The following ZNF341 variants were observed in gnomAD, a reference collection of about 807,000 sequenced individuals.
ZNF341 encodes zinc finger protein 341.
A neutral mutation model predicts 87.7 loss-of-function variants in ZNF341; 52 were observed. That is an observed-to-expected ratio of 0.59 (90% confidence interval 0.47 to 0.75). The LOEUF (loss-of-function observed/expected upper bound fraction) is 0.75. Ranked by LOEUF, ZNF341 falls within the 30% of genes least tolerant of loss-of-function variation. The probability of loss-of-function intolerance (pLI) is 0.00; values close to 1 mark genes in which losing one functional copy is unlikely to be tolerated. For synonymous variants in ZNF341, 459 were observed against 472.7 expected (o/e 0.97, Z 0.38); for missense variants, 977 against 1,145.9 (o/e 0.85, Z 2.13).
At chr20:33,744,622 C>A (rs948850101) in intron 2 of ZNF341, among the ~76,000 whole-genome samples, 1 of 151,982 alleles carries the variant, frequency 6.6e-6, no homozygotes, top group East Asian at 1.9e-4. Flanking sequence ...GATGGAGTCT[C>A]GCTCTGTTGC....
intron 2 of ZNF341, among the ~76,000 whole-genome samples, chr20:33,744,727 G>C (rs1224530862): frequency 6.6e-6 from 1 of 152,106 alleles, no homozygotes; most frequent in South Asian, 2.1e-4. Context: ...GAGTAGCTGG[G>C]ACTATAGGCG....
At position 33,791,379 on chromosome 20, in the gene ZNF341, G is replaced by T; in HGVS notation, c.2427G>T (p.Val809=). 3 of 1,612,688 alleles carry T rather than the reference G, an allele frequency of 1.9e-6. No homozygotes were observed. The highest frequency in any genetic ancestry group is 2.5e-6 in the Non-Finnish European group (3 of 1,179,724). ...TGTCCATCGTTGTGGGTGGTGCGGTGGGCGCGGAAACTGAGCTGGTGGTAC... is the reference window on the plus strand; with the variant it reads ...TGTCCATCGTTGTGGGTGGTGCGGTTGGCGCGGAAACTGAGCTGGTGGTAC... The part of the protein sequence containing the change: ...AVLSIVVGGA[V]GAETELVVPG... Residue 809 remains valine (V), a synonymous_variant, in exon 15 of 15, where the codon GTG becomes GTT. Transcript: ENST00000375200.
chr20:33,736,433 TC>T (rs2018686446), intron 1 of ZNF341, among the ~76,000 whole-genome samples: 1 of 152,270 alleles, frequency 6.6e-6, no homozygotes, highest in East Asian at 1.9e-4. Flanking sequence ...TAATAGCCCT[TC>T]CCCAAAACTA....
chr20:33,756,443 T>C (rs1428436470), intron 5 of ZNF341, among the ~76,000 whole-genome samples: 1 of 150,814 alleles, frequency 6.6e-6, no homozygotes, highest in Admixed American at 6.6e-5. Flanking sequence ...CTCGGCCCAC[T>C]GCAACCTCCG....
rs1390976253 is a variant in ZNF341, at chr20:33,766,933, C to T, written c.1305C>T (p.Ser435=). Residue 435 remains serine (S), a synonymous_variant, in exon 9 of 15, where the codon TCC becomes TCT. Coordinates refer to ENST00000375200, the MANE Select transcript of ZNF341 (RefSeq NM_001282933.2). ...AGEEEGDKPE[S]KQVVLIDSSY... is the part of the protein sequence containing the mutation. ...AGGAAGAGGGGGACAAGCCGGAGTC[C>T]AAGCAGGTGGTCCTCATCGACAGCT... The T allele has an allele frequency of 1.2e-6, 2 of 1,614,178 alleles. No individual in the cohort carries two copies. Among genetic ancestry groups the T allele is most frequent in the East Asian group, 2.2e-5 (1 of 44,890 alleles).
At chr20:33,745,370 C>G (rs1341190678) in intron 3 of ZNF341, 71 bp downstream of exon 3, 1 of 1,472,900 alleles carries the variant, frequency 6.8e-7, no homozygotes. Flanking sequence ...GTGCTGGGCA[C>G]TGGGGCTATA....
intron 11 of ZNF341, among the ~76,000 whole-genome samples, chr20:33,783,489 G>C (rs2019784228): frequency 6.6e-6 from 1 of 152,190 alleles, no homozygotes; most frequent in Non-Finnish European, 1.5e-5. Context: ...TCAGTAAAGA[G>C]AGAAAGGCCC....
At position 33,746,722 on chromosome 20, in the gene ZNF341, A is replaced by G. The variant is rs115819126; in HGVS notation, c.339+1423A>G. ...CCAGGCAGTGGATGCGGGTAGCTTG[A>G]CCAGCATGTTGGCAGTGGAGGTGGT... On this transcript the variant is annotated intron_variant, in intron 3 of 14. Coordinates refer to ENST00000375200, the MANE Select transcript of ZNF341 (RefSeq NM_001282933.2). Among the ~76,000 whole-genome samples the G allele has an allele frequency of 6.1e-3, 933 of 152,260 alleles. 14 individuals are homozygous for G. Among genetic ancestry groups the G allele is most frequent in the African/African-American group, 0.021 (873 of 41,530 alleles).
At position 33,791,286 on chromosome 20, in the gene ZNF341, C is replaced by T. The variant is rs2020021171; in HGVS notation, c.2334C>T (p.Asp778=). The T allele has an allele frequency of 1.2e-6, 2 of 1,611,738 alleles. No homozygotes were observed. The highest frequency in any genetic ancestry group is 8.5e-7 in the Non-Finnish European group (1 of 1,179,578). ...CGCTGGGGCTGGAGGAGCTGAAGGACACAGGGGCTGGGCTGGTGCCCGAGG... is the reference window on the plus strand; with the variant it reads ...CGCTGGGGCTGGAGGAGCTGAAGGATACAGGGGCTGGGCTGGTGCCCGAGG... ...PDPLGLEELK[D]TGAGLVPEAV... Residue 778 remains aspartate, a synonymous_variant, in exon 15 of 15, where the codon GAC becomes GAT. Transcript: ENST00000375200.
At chr20:33,746,319 C>T (rs554363485) in intron 3 of ZNF341, among the ~76,000 whole-genome samples, 11 of 149,186 alleles carry the variant, frequency 7.4e-5, no homozygotes, top group African/African-American at 1.5e-4. Context: ...CTGCAACCTC[C>T]GCCTCCTGGG....
At chr20:33,790,320 G>A (rs926121939) in intron 14 of ZNF341, among the ~76,000 whole-genome samples, 2 of 152,030 alleles carry the variant, frequency 1.3e-5, no homozygotes, top group Admixed American at 6.6e-5. Flanking sequence ...TGATCTGCCC[G>A]CCTTGGCCTC....
intron 10 of ZNF341, among the ~76,000 whole-genome samples, chr20:33,776,200 C>T (rs1336827649): frequency 1.3e-5 from 2 of 152,006 alleles, no homozygotes; most frequent in East Asian, 3.9e-4. Context: ...GATTCTCCCA[C>T]CTCAGCCTCC....
At chr20:33,745,876 A>G (rs1268610164) in intron 3 of ZNF341, among the ~76,000 whole-genome samples, 1 of 147,724 alleles carries the variant, frequency 6.8e-6, no homozygotes, top group Non-Finnish European at 1.5e-5. Context: ...GGAAGGTGGG[A>G]GGTGCTAGGA....
At chr20:33,755,269 A>G (rs1443529727) in intron 5 of ZNF341, among the ~76,000 whole-genome samples, 2 of 149,498 alleles carry the variant, frequency 1.3e-5, no homozygotes, top group African/African-American at 2.5e-5. Context: ...TGAGTGCTGT[A>G]TTGGTCAGGG....
In ZNF341 at chr20:33,735,386, G is replaced by C. The variant is rs186988067; in HGVS notation, c.31+3334G>C. 2.6e-3 allele frequency among the ~76,000 whole-genome samples: 398 copies of C among 152,184 alleles called. 3 individuals are homozygous for C. Among genetic ancestry groups the C allele is most frequent in the African/African-American group, 9.0e-3 (372 of 41,506 alleles). On this transcript the variant is annotated intron_variant, in intron 1 of 14. Coordinates refer to ENST00000375200, the MANE Select transcript of ZNF341 (RefSeq NM_001282933.2). ...ATCTCACTCTGTCTCCAAAGCTGGAGTGCAGTAGTGCATTCATAGCTCACT... is the reference window on the plus strand; with the variant it reads ...ATCTCACTCTGTCTCCAAAGCTGGACTGCAGTAGTGCATTCATAGCTCACT...
At chr20:33,778,675 C>A (rs983762992) in intron 10 of ZNF341, among the ~76,000 whole-genome samples, 17 of 152,210 alleles carry the variant, frequency 1.1e-4, no homozygotes, top group Admixed American at 3.3e-4. Flanking sequence ...TGGGGCTCCC[C>A]TGGGCCCTTC....
chr20:33,743,721 A>G (rs1356564481), intron 2 of ZNF341, among the ~76,000 whole-genome samples: 1 of 152,210 alleles, frequency 6.6e-6, no homozygotes, highest in Admixed American at 6.5e-5. Flanking sequence ...CTGCTACCAC[A>G]TGTTGGGTGC....
intron 8 of ZNF341, 73 bp from the exon 9 acceptor site, chr20:33,766,778 C>T (rs748543763): frequency 7.3e-5 from 109 of 1,483,788 alleles, no homozygotes; most frequent in East Asian, 4.1e-4. Context: ...CAGAGGAGCA[C>T]GGAGTAGGGG....
chr20:33,754,482 G>A (rs2019132607), intron 5 of ZNF341, among the ~76,000 whole-genome samples: 1 of 152,208 alleles, frequency 6.6e-6, no homozygotes, highest in Non-Finnish European at 1.5e-5. Context: ...GCCCAGACCA[G>A]TGGGAAGATC....
Sources: gnomAD v4.1 joint callset for allele counts (sites outside exome capture counted in the v4.1 genomes callset) on GRCh38, gnomAD v4.1.1 for gene constraint, MANE v1.5 for transcripts, NCBI Gene and HGNC (gene_info 2026-07-23, HGNC 2026-07-21) for gene names.